Variants in COLQ observed in about 807,000 individuals in gnomAD.
The protein encoded by COLQ is acetylcholinesterase collagenic tail peptide.
Under a neutral mutation model 69.0 loss-of-function variants are expected in COLQ, and 48 were observed. The ratio of observed to expected loss-of-function variants is 0.70; its 90% CI spans 0.55 to 0.88. The LOEUF (loss-of-function observed/expected upper bound fraction) is 0.88. Ranked by LOEUF, COLQ falls within the 40% of genes least tolerant of loss-of-function variation. The pLI is 0.00. For missense variants in COLQ, 618 were observed against 594.6 expected (o/e 1.04, Z -0.41); for synonymous variants, 217 against 211.2 (o/e 1.03, Z -0.24).
At chr3:15,507,686 CT>C (rs2062930143) in intron 1 of COLQ, among the ~76,000 whole-genome samples, 1 of 152,200 alleles carries the variant, frequency 6.6e-6, no homozygotes, top group Admixed American at 6.5e-5. Context: ...AACACTTGGG[CT>C]CAAGTGATCT....
Position 15,451,571 on chromosome 3 carries a change from A to C in COLQ, c.*73T>G. 30 of 1,315,382 alleles carry C rather than the reference A, an allele frequency of 2.3e-5. No homozygotes were observed. Among genetic ancestry groups the C allele is most frequent in the Non-Finnish European group, 2.9e-5 (26 of 907,104 alleles). The allele number at this position is 1,315,382 out of a possible 1,614,324, so 81.5% of individuals were successfully genotyped here. On this transcript the variant is annotated 3_prime_UTR_variant, in exon 17 of 17. Transcript: ENST00000383788. Reference sequence around the variant, plus strand: ...AGGTTGGTGGAGACGGGGCCAGGACATGGCCAGTTTGATGACAGTGGAGAA... The same window carrying C: ...AGGTTGGTGGAGACGGGGCCAGGACCTGGCCAGTTTGATGACAGTGGAGAA...
chr3:15,502,129 T>C (rs1342062202), intron 1 of COLQ, among the ~76,000 whole-genome samples: 2 of 151,620 alleles, frequency 1.3e-5, no homozygotes, highest in African/African-American at 4.8e-5. Flanking sequence ...TTTTTTTTTT[T>C]TTTGAGATGG....
At chr3:15,479,148 GC>G in intron 4 of COLQ, 145 bp from the exon 5 acceptor site, 1 of 1,185,500 alleles carries the variant, frequency 8.4e-7, no homozygotes, top group Non-Finnish European at 1.3e-6. Context: ...ATGTCGATAG[GC>G]CACGTCAAAA....
chr3:15,456,641 C>A, intron 13 of COLQ, 62 bp from the exon 14 acceptor site: 1 of 1,604,298 alleles, frequency 6.2e-7, no homozygotes, highest in Non-Finnish European at 8.5e-7. Flanking sequence ...AGGAAAAAAG[C>A]TGGAGGAGGA....
intron 3 of COLQ, among the ~76,000 whole-genome samples, chr3:15,480,950 T>C (rs1181528036): frequency 6.6e-6 from 1 of 152,264 alleles, no homozygotes; most frequent in Non-Finnish European, 1.5e-5. Context: ...CATTTTTTCA[T>C]GTGTCTCTTG....
chr3:15,495,473 GCAAT>G (rs1412774178), intron 1 of COLQ, among the ~76,000 whole-genome samples: 4 of 152,226 alleles, frequency 2.6e-5, no homozygotes, highest in African/African-American at 9.6e-5. Context: ...TTAAACAGCA[GCAAT>G]CACTCATATT....
chr3:15,467,965 G>T, intron 11 of COLQ: 1 of 456,754 alleles, frequency 2.2e-6, no homozygotes, highest in Non-Finnish European at 4.4e-6. Flanking sequence ...TTTATGGAGG[G>T]AGTTCTTAAG....
intron 1 of COLQ, among the ~76,000 whole-genome samples, chr3:15,495,807 G>A (rs751748004): frequency 6.6e-6 from 1 of 152,216 alleles, no homozygotes; most frequent in African/African-American, 2.4e-5. Flanking sequence ...CTAGAGTGTT[G>A]AGTCGCTAGG....
At position 15,473,709 on chromosome 3, in the gene COLQ, C is replaced by T. The variant is rs2062328501; in HGVS notation, c.636+291G>A. On this transcript the variant is annotated intron_variant, in intron 10 of 16. Coordinates refer to ENST00000383788, the MANE Select transcript of COLQ (RefSeq NM_005677.4). The surrounding 1 kb of genome is among the most constrained non-coding windows in gnomAD (Gnocchi z 4.0). Reference sequence around the variant, plus strand: ...TTCTGCATTTGAATAGGACCACAGCCCTCTAAGAGGTAGGAAAAGCAAAAA... The same window carrying T: ...TTCTGCATTTGAATAGGACCACAGCTCTCTAAGAGGTAGGAAAAGCAAAAA... Among the ~76,000 whole-genome samples, 1 of 152,010 alleles carries T rather than the reference C, an allele frequency of 6.6e-6. No individual in the cohort carries two copies. The highest frequency in any genetic ancestry group is 2.4e-5 in the African/African-American group (1 of 41,354).
chr3:15,500,216 G>A (rs2062812559), intron 1 of COLQ, among the ~76,000 whole-genome samples: 1 of 152,160 alleles, frequency 6.6e-6, no homozygotes, highest in Non-Finnish European at 1.5e-5. Flanking sequence ...CTTCTCTGGG[G>A]AATTCCCCTT....
intron 8 of COLQ, among the ~76,000 whole-genome samples, chr3:15,474,689 G>A (rs1438469349): frequency 6.6e-6 from 1 of 152,210 alleles, no homozygotes; most frequent in African/African-American, 2.4e-5. Flanking sequence ...ATTTGCTTAT[G>A]TGCTCCACAC....
rs772340759 is a variant in COLQ, at chr3:15,498,574, GAT to G, written c.107-8939_107-8938del. 4.5e-6 allele frequency: 7 copies of G among 1,551,864 alleles called. No individual in the cohort carries two copies. The African/African-American group carries it at 8.2e-5, about 18-fold the overall frequency. On this transcript the variant is annotated intron_variant, in intron 1 of 16. Coordinates refer to ENST00000383788, the MANE Select transcript of COLQ (RefSeq NM_005677.4). ...GATGAGCAGATGAGCGAGGCTGAAT[GAT>G]GAGCCCGTCATTGTGAGGCAGGGCC...
At chr3:15,482,435 G>A (rs2062503258) in intron 3 of COLQ, among the ~76,000 whole-genome samples, 1 of 152,140 alleles carries the variant, frequency 6.6e-6, no homozygotes, top group Non-Finnish European at 1.5e-5. Flanking sequence ...GTTGAATTTT[G>A]TCAAAGGCCT....
rs186535687 is a variant in COLQ at position 15,521,426 on chromosome 3, T to C, written c.106+94A>G. On this transcript the variant is annotated intron_variant, in intron 1 of 16. Coordinates refer to ENST00000383788, the MANE Select transcript of COLQ (RefSeq NM_005677.4). Reference sequence around the variant, plus strand: ...CAACCTCCCTCCACCAACAGTTGAATGGCAAAAACATCAGGACACATTGCA... The same window carrying C: ...CAACCTCCCTCCACCAACAGTTGAACGGCAAAAACATCAGGACACATTGCA... The C allele has an allele frequency of 7.8e-6, 12 of 1,529,738 alleles. 1 individual carries two copies. The highest frequency in any genetic ancestry group is 2.4e-5 in the East Asian group (1 of 42,426). The allele number at this position is 1,529,738 out of a possible 1,614,324, so 94.8% of individuals were successfully genotyped here.
At chr3:15,502,822 A>G (rs1355018333) in intron 1 of COLQ, among the ~76,000 whole-genome samples, 3 of 152,188 alleles carry the variant, frequency 2.0e-5, no homozygotes, top group Non-Finnish European at 2.9e-5. Context: ...GAGGGGAAGG[A>G]GCATTGCCTG....
chr3:15,451,547 G>A lies in COLQ; in HGVS notation c.*97C>T. On this transcript the variant is annotated 3_prime_UTR_variant, in exon 17 of 17. Coordinates refer to ENST00000383788, the MANE Select transcript of COLQ (RefSeq NM_005677.4). ...TTTGTCCTTGTTTTTGTCACACAAA[G>A]GTTGGTGGAGACGGGGCCAGGACAT... 8.9e-7 allele frequency: 1 copy of A among 1,123,636 alleles called. No individual in the cohort carries two copies. Among genetic ancestry groups the A allele is most frequent in the Non-Finnish European group, 1.4e-6 (1 of 731,934 alleles). The allele number at this position is 1,123,636 out of a possible 1,614,324, so 69.6% of individuals were successfully genotyped here. A position where few individuals can be genotyped will look rare whatever the true frequency, so the allele number is the denominator to read the frequency against.
chr3:15,466,975 T>C (rs1312402677), intron 11 of COLQ, among the ~76,000 whole-genome samples: 1 of 152,232 alleles, frequency 6.6e-6, no homozygotes, highest in Admixed American at 6.5e-5. Context: ...GGCTCTCAGC[T>C]CAAATGCCCT....
intron 1 of COLQ, chr3:15,496,152 G>C (rs2062742526): frequency 6.6e-6 from 1 of 152,576 alleles, no homozygotes; most frequent in South Asian, 2.1e-4. Flanking sequence ...GACCTCTTCA[G>C]TGACCACAAA....
intron 1 of COLQ, among the ~76,000 whole-genome samples, chr3:15,511,593 CAG>C (rs1430146848): frequency 6.6e-6 from 1 of 152,176 alleles, no homozygotes; most frequent in African/African-American, 2.4e-5. Context: ...TCTCTAGAGA[CAG>C]GGGACTCCTG....
Sources: gnomAD v4.1 joint callset for allele counts (sites outside exome capture counted in the v4.1 genomes callset) on GRCh38, gnomAD v4.1.1 for gene constraint, Gnocchi (gnomAD v3.1) non-coding constraint, MANE v1.5 for transcripts, NCBI Gene and HGNC (gene_info 2026-07-23, HGNC 2026-07-21) for gene names.